Variants in OSTN observed in about 807,000 individuals in gnomAD.
The protein encoded by OSTN is osteocrin.
Under a neutral mutation model 12.0 loss-of-function variants are expected in OSTN, and 9 were observed. That is an observed-to-expected ratio of 0.75 (90% CI 0.45 to 1.30). OSTN has a LOEUF of 1.30. Ranked by LOEUF, OSTN falls within the 50% of genes most tolerant of loss-of-function variation. The pLI is 0.00. For synonymous variants in OSTN, 59 were observed against 56.9 expected, an observed-to-expected ratio of 1.04 and a Z score of -0.16; for missense variants, 148 against 152.3, an observed-to-expected ratio of 0.97 and a Z score of 0.15.
intron 3 of OSTN, among the ~76,000 whole-genome samples, chr3:191,234,117 T>A (rs542188961): frequency 1.4e-3 from 214 of 152,340 alleles, no homozygotes; most frequent in Admixed American, 2.7e-3. Flanking sequence ...TTGAATTCAA[T>A]TACTATTAAA....
At chr3:191,246,872 G>C (rs879519772) in intron 3 of OSTN, among the ~76,000 whole-genome samples, 41 of 152,180 alleles carry the variant, frequency 2.7e-4, no homozygotes, top group Non-Finnish European at 1.6e-4. Flanking sequence ...TTAGATTGCT[G>C]TTCTCTGACT....
chr3:191,249,742 G>A (rs1433422827), intron 3 of OSTN, among the ~76,000 whole-genome samples: 3 of 152,164 alleles, frequency 2.0e-5, no homozygotes, highest in Non-Finnish European at 4.4e-5. Flanking sequence ...CACTTAGTTG[G>A]CAGATTCGTA....
At chr3:191,228,414 C>T (rs1040294849) in intron 3 of OSTN, among the ~76,000 whole-genome samples, 5 of 152,194 alleles carry the variant, frequency 3.3e-5, no homozygotes, top group African/African-American at 1.2e-4. Context: ...AGCATATTTA[C>T]ATTTAAGTTA....
Position 191,218,610 on chromosome 3 carries a change from C to G in OSTN, c.103-137C>G, listed in dbSNP as rs553411253. 3 of 690,334 alleles carry G rather than the reference C, an allele frequency of 4.3e-6. No individual in the cohort carries two copies. The South Asian group carries it at 5.8e-5, about 13-fold the overall frequency. The allele number at this position is 690,334 out of a possible 1,614,324, so 42.8% of individuals were successfully genotyped here. ...TGCACCCCAACCTTGACAACAAGCACAAAACTTTGTCTCAAAAAAATTGTA... is the reference window on the plus strand; with the variant it reads ...TGCACCCCAACCTTGACAACAAGCAGAAAACTTTGTCTCAAAAAAATTGTA... On this transcript the variant is annotated intron_variant, in intron 2 of 4. Transcript: ENST00000682035.
chr3:191,219,274 G>A (rs1419104182), intron 3 of OSTN, among the ~76,000 whole-genome samples: 1 of 152,148 alleles, frequency 6.6e-6, no homozygotes, highest in African/African-American at 2.4e-5. Context: ...ATGCTCAGTG[G>A]CATAAATGTT....
chr3:191,259,200 G>GTTT (rs34341899), intron 4 of OSTN, among the ~76,000 whole-genome samples: 47,885 of 147,056 alleles, frequency 0.33, 7,984 homozygotes, highest in Middle Eastern at 0.43. Context: ...AAAACAATCT[G>GTTT]TTTTTTTTTT....
intron 4 of OSTN, among the ~76,000 whole-genome samples, chr3:191,260,678 A>T (rs4687203): frequency 0.46 from 70,325 of 151,996 alleles, 17,474 homozygotes; most frequent in Non-Finnish European, 0.55. Context: ...CATTTTTAGG[A>T]TGGCCACCTG....
intron 4 of OSTN, among the ~76,000 whole-genome samples, chr3:191,251,814 T>C (rs966343198): frequency 6.6e-6 from 1 of 152,202 alleles, no homozygotes; most frequent in African/African-American, 2.4e-5. Context: ...TTCAAGGTTG[T>C]TAAAAATTGC....
chr3:191,202,760 G>A (rs889348795), intron 1 of OSTN, among the ~76,000 whole-genome samples: 5 of 152,162 alleles, frequency 3.3e-5, no homozygotes, highest in Non-Finnish European at 7.3e-5. Flanking sequence ...ACGGCCAGCC[G>A]ATATGTGCAA....
chr3:191,203,638 A>C (rs1714201866), intron 1 of OSTN, among the ~76,000 whole-genome samples: 1 of 152,208 alleles, frequency 6.6e-6, no homozygotes, highest in Non-Finnish European at 1.5e-5. Context: ...TTTAAAATGT[A>C]GGTATCTGCC....
At chr3:191,210,315 G>A (rs941781664) in intron 1 of OSTN, among the ~76,000 whole-genome samples, 1 of 152,208 alleles carries the variant, frequency 6.6e-6, no homozygotes, top group African/African-American at 2.4e-5. Flanking sequence ...TGCGTTAGCA[G>A]TGGCACGCAC....
At chr3:191,201,379 T>C (rs1714149089) in intron 1 of OSTN, among the ~76,000 whole-genome samples, 1 of 152,178 alleles carries the variant, frequency 6.6e-6, no homozygotes. Flanking sequence ...GGATATTAAA[T>C]TTGACAATTT....
chr3:191,206,325 A>C (rs929279094), intron 1 of OSTN, among the ~76,000 whole-genome samples: 7 of 152,218 alleles, frequency 4.6e-5, no homozygotes, highest in African/African-American at 1.7e-4. Context: ...AATTGGTAGC[A>C]TTGTTTTTTC....
chr3:191,236,034 T>C (rs1054818485), intron 3 of OSTN, among the ~76,000 whole-genome samples: 2 of 152,222 alleles, frequency 1.3e-5, no homozygotes, highest in Admixed American at 6.5e-5. Flanking sequence ...TGTTTTTCAA[T>C]AACTTGCTCC....
At chr3:191,201,417 A>C (rs1388710992) in intron 1 of OSTN, among the ~76,000 whole-genome samples, 1 of 152,106 alleles carries the variant, frequency 6.6e-6, no homozygotes, top group African/African-American at 2.4e-5. Context: ...TGTTTCTAAA[A>C]TTCTATATTC....
At chr3:191,256,324 G>A (rs1413095781) in intron 4 of OSTN, among the ~76,000 whole-genome samples, 1 of 152,034 alleles carries the variant, frequency 6.6e-6, no homozygotes, top group African/African-American at 2.4e-5. Flanking sequence ...TGCCAAATAA[G>A]CTGTATATGT....
intron 3 of OSTN, among the ~76,000 whole-genome samples, chr3:191,247,774 T>C (rs1715466150): frequency 1.3e-5 from 2 of 152,380 alleles, no homozygotes; most frequent in Middle Eastern, 3.4e-3. Context: ...TCAATGTTTA[T>C]AGATTTTTTC....
At chr3:191,217,005 A>G (rs796495678) in intron 2 of OSTN, 7 of 152,246 alleles carry the variant, frequency 4.6e-5, no homozygotes, top group African/African-American at 1.7e-4. Flanking sequence ...GTCCATTTTC[A>G]TACTGCTATA....
intron 4 of OSTN, among the ~76,000 whole-genome samples, chr3:191,251,631 T>C (rs371894729): frequency 4.0e-4 from 61 of 152,346 alleles, no homozygotes; most frequent in African/African-American, 1.4e-3. Flanking sequence ...TCAGTTAAAA[T>C]AAATTTCATT....
Sources: gnomAD v4.1 joint callset for allele counts (sites outside exome capture counted in the v4.1 genomes callset) on GRCh38, gnomAD v4.1.1 for gene constraint, MANE v1.5 for transcripts, NCBI Gene and HGNC (gene_info 2026-07-23, HGNC 2026-07-21) for gene names.